ASH1L: variants seen among roughly 807,000 people sequenced by gnomAD.
ASH1L encodes the protein histone-lysine N-methyltransferase ASH1L.
Under a neutral mutation model 269.0 loss-of-function variants are expected in ASH1L, and 23 were observed. The observed-to-expected ratio is 0.09, with a 90% CI of 0.06 to 0.12. ASH1L has a LOEUF of 0.12. ASH1L is among the 10% of genes least tolerant of loss of function. The probability of loss-of-function intolerance (pLI) is 1.00; values close to 1 mark genes in which losing one functional copy is unlikely to be tolerated. For missense variants in ASH1L, 2,912 were observed against 3,567.8 expected (o/e 0.82, Z 4.68); for synonymous variants, 1,187 against 1,253.5 (o/e 0.95, Z 1.12).
At chr1:155,407,411 C>A (rs1442715796) in intron 6 of ASH1L, among the ~76,000 whole-genome samples, 2 of 151,996 alleles carry the variant, frequency 1.3e-5, no homozygotes, top group Non-Finnish European at 2.9e-5. Flanking sequence ...CTATTTAACC[C>A]AGTAATTCAA....
chr1:155,398,137 T>C (rs1658519619), intron 6 of ASH1L, among the ~76,000 whole-genome samples: 1 of 152,200 alleles, frequency 6.6e-6, no homozygotes, highest in Non-Finnish European at 1.5e-5. Flanking sequence ...TCTAGGACTA[T>C]AACATAGATG....
At chr1:155,342,405 G>T (rs1652897090) in intron 24 of ASH1L, among the ~76,000 whole-genome samples, 1 of 152,160 alleles carries the variant, frequency 6.6e-6, no homozygotes, top group Admixed American at 6.5e-5. Context: ...CAGGTTACGA[G>T]GAGTTACAAG....
At chr1:155,382,679 A>C (rs534295227) in intron 7 of ASH1L, among the ~76,000 whole-genome samples, 1 of 152,020 alleles carries the variant, frequency 6.6e-6, no homozygotes, top group Admixed American at 6.6e-5. Flanking sequence ...AGTGATATTG[A>C]TGATCTTGCC....
chr1:155,393,336 T>C (rs1175213317), intron 7 of ASH1L, among the ~76,000 whole-genome samples: 2 of 152,112 alleles, frequency 1.3e-5, no homozygotes, highest in Non-Finnish European at 2.9e-5. Flanking sequence ...GGAGATTAGT[T>C]AATCAGAATA....
intron 4 of ASH1L, among the ~76,000 whole-genome samples, chr1:155,453,135 A>G (rs942087838): frequency 4.6e-5 from 7 of 151,926 alleles, no homozygotes; most frequent in African/African-American, 1.7e-4. Flanking sequence ...CAGGCAGATC[A>G]TCTGTGGTTA....
At chr1:155,525,968 A>C in intron 1 of ASH1L, among the ~76,000 whole-genome samples, 1 of 152,306 alleles carries the variant, frequency 6.6e-6, no homozygotes, top group South Asian at 2.1e-4. Flanking sequence ...ATATATAAAT[A>C]GTTATTAAAC....
rs111327634 is a variant in ASH1L at position 155,386,223 on chromosome 1, G to A, written c.6104-6107C>T. Among the ~76,000 whole-genome samples, 509 of 151,692 alleles carry A rather than the reference G, an allele frequency of 3.4e-3. 2 individuals are homozygous for A. The highest frequency in any genetic ancestry group is 0.012 in the African/African-American group (483 of 41,394). On this transcript the variant is annotated intron_variant, in intron 7 of 27. Transcript: ENST00000392403. The stretch of plus-strand genomic sequence containing the variant: ...GCTGGGATTACAGGAGCCCACCACC[G>A]TGCCCAACTAATTTTTTTGTATTTT...
intron 7 of ASH1L, among the ~76,000 whole-genome samples, chr1:155,389,450 A>G (rs959880443): frequency 1.3e-5 from 2 of 152,052 alleles, no homozygotes; most frequent in Non-Finnish European, 2.9e-5. Flanking sequence ...AGGTGGGTGG[A>G]TCACTTAAGG....
chr1:155,390,402 G>A (rs943976004), intron 7 of ASH1L, among the ~76,000 whole-genome samples: 3 of 152,044 alleles, frequency 2.0e-5, no homozygotes, highest in African/African-American at 7.2e-5. Context: ...GTGAAGTCTG[G>A]TATATGTTTG....
intron 12 of ASH1L, 192 bp downstream of exon 12, chr1:155,370,312 C>A: frequency 2.3e-5 from 15 of 642,760 alleles, no homozygotes; most frequent in South Asian, 7.2e-5. Context: ...CAAATAAAAA[C>A]AAAAATATCT....
chr1:155,517,793 CTTTTTTTTT>C (rs780065449), intron 2 of ASH1L, among the ~76,000 whole-genome samples: 89 of 70,936 alleles, frequency 1.3e-3, no homozygotes, highest in Middle Eastern at 0.016. Flanking sequence ...CCAATAATTT[CTTTTTTTTT>C]TTTTTTTTTT....
chr1:155,518,871 G>A (rs1280049438), intron 2 of ASH1L, among the ~76,000 whole-genome samples: 2 of 151,874 alleles, frequency 1.3e-5, no homozygotes. Flanking sequence ...GAAAAATTAA[G>A]AAAACCTCAT....
intron 26 of ASH1L, 59 bp downstream of exon 26, chr1:155,339,269 G>C: frequency 6.6e-7 from 1 of 1,506,870 alleles, no homozygotes; most frequent in Non-Finnish European, 9.2e-7. Flanking sequence ...TTGTTTTCTT[G>C]ATCCATTCAA....
Position 155,481,608 on chromosome 1 carries a change from G to A in ASH1L, c.1262C>T (p.Ala421Val), listed in dbSNP as rs768527981. 1.1e-5 allele frequency: 18 copies of A among 1,614,086 alleles called. No individual in the cohort carries two copies. The South Asian group carries it at 2.0e-4, about 18-fold the overall frequency. ...CAGTGCTTCGGCTTTAAGGTTTATGGCATCTTTACTGATCAGACCTGCCAA... is the reference window on the plus strand; with the variant it reads ...CAGTGCTTCGGCTTTAAGGTTTATGACATCTTTACTGATCAGACCTGCCAA... ...CPLAGLISKD[A>V]INLKAEALLP... The change falls in exon 3 of 28, where the codon GCC (alanine) becomes GTC (valine). Residue 421 changes from alanine (A) to valine (V), a missense_variant. Coordinates refer to ENST00000392403, the MANE Select transcript of ASH1L (RefSeq NM_018489.3).
chr1:155,365,516 C>T (rs764271802), intron 12 of ASH1L, among the ~76,000 whole-genome samples: 22 of 151,966 alleles, frequency 1.4e-4, no homozygotes, highest in Non-Finnish European at 2.6e-4. Context: ...AGCCACCATG[C>T]CTGGCATATT....
intron 5 of ASH1L, among the ~76,000 whole-genome samples, chr1:155,432,593 C>A (rs531014300): frequency 2.2e-4 from 33 of 152,314 alleles, no homozygotes; most frequent in Non-Finnish European, 3.7e-4. Context: ...CTTCCCTACA[C>A]AATCTCTTGA....
chr1:155,560,241 G>A (rs892735584), intron 1 of ASH1L, among the ~76,000 whole-genome samples: 8 of 152,100 alleles, frequency 5.3e-5, no homozygotes, highest in Non-Finnish European at 7.4e-5. Context: ...TTGTGCTTAT[G>A]CTCATCTTCT....
intron 1 of ASH1L, among the ~76,000 whole-genome samples, chr1:155,556,952 C>T (rs1008935030): frequency 2.0e-5 from 3 of 152,100 alleles, no homozygotes; most frequent in African/African-American, 7.2e-5. Flanking sequence ...GGAAGGACTG[C>T]TTGAGCCCAA....
rs1366058163 is a variant in ASH1L, at chr1:155,478,064, T to G, written c.4806A>C (p.Glu1602Asp). ...TTGCACTTGTGAAAAGGTTTGTATG[T>G]TCATCACTGCTGGCTGGCTCAGAGT... The part of the protein sequence containing the change: ...TPNSEPASSD[E>D]HTNLFTSAIG... The change falls in exon 3 of 28, where the codon GAA becomes GAC. Residue 1602 changes from glutamate (E) to aspartate (D), a missense_variant. This residue lies in a region of ASH1L where 789 missense variants were observed against 897.6 expected (regional missense o/e 0.88). Transcript: ENST00000392403. This position sits in a 1 kb window ranked among gnomAD's most constrained non-coding sequence, Gnocchi z 4.6. 3 of 1,614,096 alleles carry G rather than the reference T, an allele frequency of 1.9e-6. No homozygotes were observed. In the African/African-American group the frequency reaches 4.0e-5, roughly 22 times the overall value.
Sources: allele counts gnomAD v4.1 joint callset (sites outside exome capture counted in the v4.1 genomes callset), GRCh38; gene constraint gnomAD v4.1.1; regional missense constraint gnomAD v4.1.1; non-coding constraint Gnocchi (gnomAD v3.1); transcripts MANE v1.5; gene names NCBI Gene and HGNC (gene_info 2026-07-23, HGNC 2026-07-21).